EPS8: variants seen among roughly 807,000 people sequenced by gnomAD.
EPS8 encodes EGFR pathway substrate 8, signaling adaptor.
EPS8 carries 42 observed loss-of-function variants against 103.8 expected under a neutral mutation model. The observed-to-expected ratio is 0.40, with a 90% CI of 0.32 to 0.52. The LOEUF is 0.52. Among genes scored for constraint, EPS8 ranks in the 20% least tolerant of loss-of-function variants. The pLI, the probability that EPS8 is intolerant of heterozygous loss-of-function variation, is 0.40. For missense variants in EPS8, 969 were observed against 1,005.1 expected, an observed-to-expected ratio of 0.96 and a Z score of 0.49; for synonymous variants, 344 against 344.6, an observed-to-expected ratio of 1.00 and a Z score of 0.02.
rs568135229 is a variant in EPS8 at position 15,652,334 on chromosome 12, C to T, written c.1251-1328G>A. On this transcript the variant is annotated intron_variant, in intron 13 of 20. Coordinates refer to ENST00000281172, the MANE Select transcript of EPS8 (RefSeq NM_004447.6). The stretch of plus-strand genomic sequence containing the variant: ...ATGGAGAGAAGTTGATTAATGGATA[C>T]AAACGTACATTGACTAGAAGAACTA... 8.5e-4 allele frequency among the ~76,000 whole-genome samples: 130 copies of T among 152,194 alleles called. 1 individual carries two copies. Among genetic ancestry groups the T allele is most frequent in the African/African-American group, 3.1e-3 (128 of 41,532 alleles).
Position 15,710,549 on chromosome 12 carries a change from TACC to T in EPS8, c.-21-27580_-21-27578del, listed in dbSNP as rs1301715046. Among the ~76,000 whole-genome samples the T allele has an allele frequency of 3.9e-5, 6 of 152,278 alleles. No individual in the cohort carries two copies. In the East Asian group the frequency reaches 9.7e-4, roughly 25 times the overall value. On this transcript the variant is annotated intron_variant, in intron 1 of 20. Coordinates refer to ENST00000281172, the MANE Select transcript of EPS8 (RefSeq NM_004447.6). ...TAGAAAATATATTGAGCATTAAAAC[TACC>T]ACAAGTTTTTTCTAATCAAATTAAC...
At position 15,665,903 on chromosome 12, in the gene EPS8, T is replaced by A; in HGVS notation, c.600-11A>T. ...GCATTGGAAATCATCCTTAAAAAGA[T>A]GAAAACAAATAGAATTTTTACCATC... On this transcript the variant is annotated splice_polypyrimidine_tract_variant and intron_variant, in intron 7 of 20. Transcript: ENST00000281172. 6 of 1,612,716 alleles carry A rather than the reference T, an allele frequency of 3.7e-6. No homozygotes were observed. The East Asian group carries it at 1.3e-4, about 36-fold the overall frequency.
chr12:15,651,953 CTTATT>C (rs1945423253), intron 13 of EPS8, among the ~76,000 whole-genome samples: 2 of 151,864 alleles, frequency 1.3e-5, no homozygotes, highest in East Asian at 3.9e-4. Context: ...AATTAATTTT[CTTATT>C]TTAAGATAGA....
chr12:15,663,944 A>ATAATAATAATAATAATAAT (rs1264237107), intron 8 of EPS8, among the ~76,000 whole-genome samples: 3 of 85,976 alleles, frequency 3.5e-5, no homozygotes, highest in African/African-American at 9.0e-5. Flanking sequence ...AAAAAAAAAA[A>ATAATAATAATAATAATAAT]AATAATATAT....
Position 15,735,230 on chromosome 12 carries a change from T to A in EPS8, c.-21-52258A>T, listed in dbSNP as rs1946756961. Among the ~76,000 whole-genome samples, 1 of 152,230 alleles carries A rather than the reference T, an allele frequency of 6.6e-6. No individual in the cohort carries two copies. Among genetic ancestry groups the A allele is most frequent in the African/African-American group, 2.4e-5 (1 of 41,456 alleles). On this transcript the variant is annotated intron_variant, in intron 1 of 20. Transcript: ENST00000281172. The surrounding 1 kb of genome is among the most constrained non-coding windows in gnomAD (Gnocchi z 4.4). ...TACTTTAGTCCAATGAAGGCTAAGT[T>A]AAAGGTATTCTGCATGTAACAAAAT...
At chr12:15,671,815 T>C (rs544076983) in intron 3 of EPS8, 9 of 152,280 alleles carry the variant, frequency 5.9e-5, no homozygotes, top group African/African-American at 2.2e-4. Context: ...GAGCACTATT[T>C]GTTACTTTTC....
chr12:15,722,687 G>A (rs147200621), intron 1 of EPS8, among the ~76,000 whole-genome samples: 8 of 152,274 alleles, frequency 5.3e-5, no homozygotes, highest in South Asian at 2.1e-4. Context: ...AAATCAAAGC[G>A]CCAGCAGATT....
At chr12:15,726,254 G>A (rs1331246384) in intron 1 of EPS8, among the ~76,000 whole-genome samples, 2 of 151,996 alleles carry the variant, frequency 1.3e-5, no homozygotes, top group Non-Finnish European at 1.5e-5. Context: ...AAGCAGGAAA[G>A]CAGCAAGAAA....
In EPS8 at chr12:15,771,996, C is replaced by A. The variant is rs994549591; in HGVS notation, c.-22+17165G>T. Among the ~76,000 whole-genome samples, 84 of 151,778 alleles carry A rather than the reference C, an allele frequency of 5.5e-4. 1 individual carries two copies. The highest frequency in any genetic ancestry group is 5.1e-3 in the Admixed American group (78 of 15,254). ...AAAATTAGCAGGGCATAGTGGCGGGCGCCCGTAGTCTTCATTTGTACCACC... is the reference window on the plus strand; with the variant it reads ...AAAATTAGCAGGGCATAGTGGCGGGAGCCCGTAGTCTTCATTTGTACCACC... On this transcript the variant is annotated intron_variant, in intron 1 of 20. Coordinates refer to ENST00000281172, the MANE Select transcript of EPS8 (RefSeq NM_004447.6). This position sits in a 1 kb window ranked among gnomAD's most constrained non-coding sequence, Gnocchi z 4.6.
In EPS8 at chr12:15,760,244, T is replaced by C. The variant is rs1318532255; in HGVS notation, c.-22+28917A>G. Among the ~76,000 whole-genome samples, 2 of 151,862 alleles carry C rather than the reference T, an allele frequency of 1.3e-5. No homozygotes were observed. Among genetic ancestry groups the C allele is most frequent in the African/African-American group, 4.8e-5 (2 of 41,366 alleles). On this transcript the variant is annotated intron_variant, in intron 1 of 20. Coordinates refer to ENST00000281172, the MANE Select transcript of EPS8 (RefSeq NM_004447.6). This position sits in a 1 kb window ranked among gnomAD's most constrained non-coding sequence, Gnocchi z 4.5. ...CCTAGACACACACAACCTACTAAGATTGAACTATGAAGAAATCCAAAACCT... is the reference window on the plus strand; with the variant it reads ...CCTAGACACACACAACCTACTAAGACTGAACTATGAAGAAATCCAAAACCT...
Position 15,779,216 on chromosome 12 carries a change from G to T in EPS8, c.-22+9945C>A, listed in dbSNP as rs1947236411. Among the ~76,000 whole-genome samples the T allele has an allele frequency of 1.3e-5, 2 of 152,276 alleles. No homozygotes were observed. The highest frequency in any genetic ancestry group is 1.3e-4 in the Admixed American group (2 of 15,298). On this transcript the variant is annotated intron_variant, in intron 1 of 20. Coordinates refer to ENST00000281172, the MANE Select transcript of EPS8 (RefSeq NM_004447.6). This position sits in a 1 kb window ranked among gnomAD's most constrained non-coding sequence, Gnocchi z 4.3. ...TGGTCTCGAACTCCCAAACTCAGGT[G>T]ATCCGCCTGCCTCGGCTTCCCAAAA...
chr12:15,750,222 C>T (rs1946917230), intron 1 of EPS8, among the ~76,000 whole-genome samples: 2 of 152,164 alleles, frequency 1.3e-5, no homozygotes, highest in South Asian at 2.1e-4. Context: ...GCAATTGTCC[C>T]TGACAAGCAA....
chr12:15,760,407 C>G lies in EPS8; in HGVS notation c.-22+28754G>C, dbSNP rs1947029503. On this transcript the variant is annotated intron_variant, in intron 1 of 20. Coordinates refer to ENST00000281172, the MANE Select transcript of EPS8 (RefSeq NM_004447.6). The surrounding 1 kb of genome is among the most constrained non-coding windows in gnomAD (Gnocchi z 4.5). ...AGAATTAATACGAATCCTACTCAAA[C>G]TATTCTGAAAACATAGAGGAGAGGG... Among the ~76,000 whole-genome samples, 1 of 152,072 alleles carries G rather than the reference C, an allele frequency of 6.6e-6. No homozygotes were observed.
intron 2 of EPS8, among the ~76,000 whole-genome samples, chr12:15,682,297 T>G (rs887685039): frequency 6.6e-6 from 1 of 152,188 alleles, no homozygotes; most frequent in African/African-American, 2.4e-5. Context: ...TCTCTCAAAA[T>G]AGTAAACATT....
rs972186496 is a variant in EPS8, at chr12:15,697,167, C to T, written c.-21-14195G>A. Among the ~76,000 whole-genome samples, 2 of 152,152 alleles carry T rather than the reference C, an allele frequency of 1.3e-5. No homozygotes were observed. Among genetic ancestry groups the T allele is most frequent in the African/African-American group, 4.8e-5 (2 of 41,428 alleles). On this transcript the variant is annotated intron_variant, in intron 1 of 20. Transcript: ENST00000281172. This position sits in a 1 kb window ranked among gnomAD's most constrained non-coding sequence, Gnocchi z 5.6. ...CTGATTTGGGAAAATGGCCTATAGACTGAAGAAGGGAAAACTTGAGGGACA... is the reference window on the plus strand; with the variant it reads ...CTGATTTGGGAAAATGGCCTATAGATTGAAGAAGGGAAAACTTGAGGGACA...
chr12:15,685,866 TAA>T (rs1456149961), intron 1 of EPS8, among the ~76,000 whole-genome samples: 2 of 152,208 alleles, frequency 1.3e-5, no homozygotes, highest in African/African-American at 4.8e-5. Context: ...ACTGAAAAAT[TAA>T]GTGTTTTTAT....
intron 1 of EPS8, among the ~76,000 whole-genome samples, chr12:15,755,682 T>A (rs1053929527): frequency 2.0e-5 from 3 of 152,166 alleles, no homozygotes; most frequent in African/African-American, 7.2e-5. Context: ...GGTCTCTTTA[T>A]CCTAAGTACC....
chr12:15,640,228 C>T (rs892025807), intron 17 of EPS8, among the ~76,000 whole-genome samples: 1 of 152,144 alleles, frequency 6.6e-6, no homozygotes, highest in Non-Finnish European at 1.5e-5. Context: ...AACAGGTACT[C>T]ATGTATTAGT....
chr12:15,665,684 G>C (rs752299200), intron 8 of EPS8, 72 bp downstream of exon 8: 5 of 1,552,402 alleles, frequency 3.2e-6, no homozygotes, highest in Non-Finnish European at 4.4e-6. Flanking sequence ...ATCAGCATCA[G>C]AATTTGAAAG....
Sources: allele counts gnomAD v4.1 joint callset (sites outside exome capture counted in the v4.1 genomes callset), GRCh38; gene constraint gnomAD v4.1.1; non-coding constraint Gnocchi (gnomAD v3.1); transcripts MANE v1.5; gene names NCBI Gene and HGNC (gene_info 2026-07-23, HGNC 2026-07-21).